TTLL5: variants seen among roughly 807,000 people sequenced by gnomAD.
The protein encoded by TTLL5 is tubulin polyglutamylase TTLL5.
In TTLL5, 132 loss-of-function variants were observed where a neutral mutation model predicts 168.4. The observed-to-expected ratio is 0.78, with a 90% CI of 0.68 to 0.91. TTLL5 has a LOEUF of 0.91. Among genes scored for constraint, TTLL5 ranks in the 40% least tolerant of loss-of-function variants. The pLI, the probability that TTLL5 is intolerant of heterozygous loss-of-function variation, is 0.00. For missense variants in TTLL5, 1,545 were observed against 1,581.5 expected, an observed-to-expected ratio of 0.98 and a Z score of 0.39; for synonymous variants, 546 against 558.6, an observed-to-expected ratio of 0.98 and a Z score of 0.32.
At chr14:75,887,082 G>A in intron 30 of TTLL5, 3 of 1,164,790 alleles carry the variant, frequency 2.6e-6, no homozygotes, top group Non-Finnish European at 3.2e-6. Flanking sequence ...GACCTGAGTG[G>A]AAGTTGGTGG....
intron 27 of TTLL5, among the ~76,000 whole-genome samples, chr14:75,801,089 A>G (rs1351764939): frequency 6.6e-6 from 1 of 152,076 alleles, no homozygotes; most frequent in Non-Finnish European, 1.5e-5. Flanking sequence ...AGAGCTCCCA[A>G]GATATTACGT....
chr14:75,667,225 T>C (rs568140906), intron 2 of TTLL5, among the ~76,000 whole-genome samples: 100 of 152,346 alleles, frequency 6.6e-4, no homozygotes, highest in Non-Finnish European at 1.2e-3. Context: ...GTGCTCCCCT[T>C]GTCAGGCATT....
intron 27 of TTLL5, among the ~76,000 whole-genome samples, chr14:75,798,452 T>C (rs1893109445): frequency 6.6e-6 from 1 of 152,078 alleles, no homozygotes; most frequent in African/African-American, 2.4e-5. Context: ...TTTGTTTGTA[T>C]CAATTTTATT....
At chr14:75,878,327 G>A (rs1444739862) in intron 29 of TTLL5, among the ~76,000 whole-genome samples, 3 of 152,120 alleles carry the variant, frequency 2.0e-5, no homozygotes, top group Admixed American at 6.6e-5. Context: ...AGACTTCATG[G>A]TGCCATCAGA....
intron 6 of TTLL5, among the ~76,000 whole-genome samples, chr14:75,694,086 A>C (rs77475021): frequency 0.019 from 2,818 of 152,322 alleles, 139 homozygotes; most frequent in South Asian, 0.14. Flanking sequence ...ACTGGAAAGC[A>C]CTTGAAAGAA....
At chr14:75,927,906 G>T (rs1169821637) in intron 31 of TTLL5, among the ~76,000 whole-genome samples, 1 of 152,090 alleles carries the variant, frequency 6.6e-6, no homozygotes, top group East Asian at 1.9e-4. Context: ...GCCACCAATT[G>T]CTTCTCTCCC....
chr14:75,889,300 A>G (rs547741399), intron 30 of TTLL5, among the ~76,000 whole-genome samples: 4 of 152,356 alleles, frequency 2.6e-5, no homozygotes, highest in African/African-American at 9.6e-5. Flanking sequence ...TCAACCTAAA[A>G]TAACAAATTC....
At chr14:75,866,808 A>G (rs1719512000) in intron 29 of TTLL5, among the ~76,000 whole-genome samples, 2 of 152,334 alleles carry the variant, frequency 1.3e-5, no homozygotes, top group South Asian at 2.1e-4. Flanking sequence ...AAATGTAGCA[A>G]TTGTCATATA....
chr14:75,713,713 T>G (rs1017165626), intron 9 of TTLL5, among the ~76,000 whole-genome samples: 1 of 152,212 alleles, frequency 6.6e-6, no homozygotes, highest in Non-Finnish European at 1.5e-5. Flanking sequence ...GGAGAGTACA[T>G]GTCTCATCTA....
intron 2 of TTLL5, 45 bp from the exon 3 acceptor site, chr14:75,669,371 C>A: frequency 1.3e-6 from 2 of 1,548,422 alleles, no homozygotes; most frequent in South Asian, 2.3e-5. Flanking sequence ...GCAGTTAGTT[C>A]AGGTTTTGAG....
At chr14:75,793,123 A>G in intron 27 of TTLL5, 23 bp downstream of exon 27, 2 of 1,552,852 alleles carry the variant, frequency 1.3e-6, no homozygotes, top group East Asian at 2.3e-5. Context: ...TGGGGTGTCC[A>G]AGAGCTCTTT....
intron 28 of TTLL5, among the ~76,000 whole-genome samples, chr14:75,831,149 A>G (rs1333151979): frequency 6.6e-6 from 1 of 152,244 alleles, no homozygotes; most frequent in Non-Finnish European, 1.5e-5. Flanking sequence ...AGATGTAATA[A>G]AGACTCAAAC....
At chr14:75,805,893 T>C (rs1421148864) in intron 27 of TTLL5, among the ~76,000 whole-genome samples, 3 of 152,192 alleles carry the variant, frequency 2.0e-5, no homozygotes, top group African/African-American at 7.2e-5. Flanking sequence ...ATACCTATCC[T>C]GTTTTTCACT....
At chr14:75,924,703 A>G (rs1384610980) in intron 31 of TTLL5, among the ~76,000 whole-genome samples, 3 of 151,976 alleles carry the variant, frequency 2.0e-5, no homozygotes, top group African/African-American at 2.4e-5. Flanking sequence ...AGACACGGCA[A>G]CCATCCGACC....
intron 14 of TTLL5, among the ~76,000 whole-genome samples, chr14:75,734,537 G>T (rs1888765243): frequency 6.6e-6 from 1 of 151,302 alleles, no homozygotes; most frequent in African/African-American, 2.4e-5. Context: ...GGGCTTGTTG[G>T]TTTTTTTTTA....
At chr14:75,676,294 TTACCA>T (rs1884149896) in intron 3 of TTLL5, among the ~76,000 whole-genome samples, 1 of 152,202 alleles carries the variant, frequency 6.6e-6, no homozygotes, top group South Asian at 2.1e-4. Context: ...ATAACCATCA[TTACCA>T]GGTTTCTTAA....
intron 29 of TTLL5, among the ~76,000 whole-genome samples, chr14:75,879,619 G>GGT (rs1463487133): frequency 6.6e-6 from 1 of 152,122 alleles, no homozygotes; most frequent in Non-Finnish European, 1.5e-5. Context: ...ATCTTCTAAA[G>GGT]GTGAAGTAAT....
In TTLL5 at chr14:75,699,865, A is replaced by G. The variant is rs1886135620; in HGVS notation, c.585+595A>G. On this transcript the variant is annotated intron_variant, in intron 7 of 31. Transcript: ENST00000298832. Reference sequence around the variant, plus strand: ...CATACACATGGTAAATAAAATCCCTACTGGTCTCACTCCCTGGACTTACAA... The same window carrying G: ...CATACACATGGTAAATAAAATCCCTGCTGGTCTCACTCCCTGGACTTACAA... 2.0e-5 allele frequency among the ~76,000 whole-genome samples: 3 copies of G among 152,180 alleles called. 1 individual carries two copies. Among genetic ancestry groups the G allele is most frequent in the African/African-American group, 7.2e-5 (3 of 41,486 alleles).
chr14:75,674,557 A>G (rs537428241), intron 3 of TTLL5, among the ~76,000 whole-genome samples: 18 of 152,176 alleles, frequency 1.2e-4, no homozygotes, highest in Non-Finnish European at 2.5e-4. Context: ...TATTTGTGAA[A>G]TATTCCAGGA....
Sources: gnomAD v4.1 joint callset for allele counts (sites outside exome capture counted in the v4.1 genomes callset) on GRCh38, gnomAD v4.1.1 for gene constraint, MANE v1.5 for transcripts, NCBI Gene and HGNC (gene_info 2026-07-23, HGNC 2026-07-21) for gene names.